The following RBL1 variants were observed in gnomAD, a reference collection of about 807,000 sequenced individuals.
The protein encoded by RBL1 is retinoblastoma-like protein 1.
In RBL1, 82 loss-of-function variants were observed where a neutral mutation model predicts 123.0. The observed-to-expected ratio is 0.67, with a 90% CI of 0.56 to 0.80. The LOEUF (loss-of-function observed/expected upper bound fraction) is 0.80, where lower values mean the gene tolerates loss of function less well. Among genes scored for constraint, RBL1 ranks in the 30% least tolerant of loss-of-function variants. The pLI is 0.00. For missense variants in RBL1, 1,171 were observed against 1,299.6 expected (o/e 0.90, Z 1.52); for synonymous variants, 405 against 441.3 (o/e 0.92, Z 1.03).
chr20:37,011,671 G>A (rs1041629806), intron 19 of RBL1, among the ~76,000 whole-genome samples: 1 of 152,084 alleles, frequency 6.6e-6, no homozygotes, highest in Non-Finnish European at 1.5e-5. Context: ...CTGACCTCAA[G>A]TGATCTGCCC....
At chr20:37,013,827 G>A (rs1314689748) in intron 19 of RBL1, among the ~76,000 whole-genome samples, 3 of 152,096 alleles carry the variant, frequency 2.0e-5, no homozygotes, top group Non-Finnish European at 4.4e-5. Flanking sequence ...TTTTCTATGG[G>A]TGCTGGTCAG....
chr20:37,085,928 C>T (rs1419922788), intron 2 of RBL1, among the ~76,000 whole-genome samples: 2 of 151,716 alleles, frequency 1.3e-5, no homozygotes, highest in Non-Finnish European at 2.9e-5. Flanking sequence ...GGACTACAGG[C>T]GTGAGCCACC....
Position 37,056,075 on chromosome 20 carries a change from AC to A in RBL1, c.1363+70del. The stretch of plus-strand genomic sequence containing the variant: ...AAATAAGAATAACGGGAGAGGAAAA[AC>A]CGTGAATTTCTAATTTTGGGGGGAT... On this transcript the variant is annotated intron_variant, in intron 10 of 21. Transcript: ENST00000373664. 2.6e-6 allele frequency: 4 copies of A among 1,519,404 alleles called. No individual in the cohort carries two copies. In the South Asian group the frequency reaches 5.0e-5, roughly 19 times the overall value. The allele number at this position is 1,519,404 out of a possible 1,614,324, so 94.1% of individuals were successfully genotyped here.
At chr20:37,068,909 G>A (rs531748637) in intron 2 of RBL1, among the ~76,000 whole-genome samples, 2,395 of 152,262 alleles carry the variant, frequency 0.016, 27 homozygotes, top group African/African-American at 0.053. Flanking sequence ...GCCGAAGCTG[G>A]ACTGTACTGC....
chr20:36,999,053 C>T (rs2063921854), intron 21 of RBL1, 124 bp from the exon 22 acceptor site: 1 of 891,904 alleles, frequency 1.1e-6, no homozygotes, highest in Non-Finnish European at 1.7e-6. Context: ...GGGATAAGGA[C>T]TCTTTTTAAA....
chr20:37,035,802 G>A (rs968005456), intron 14 of RBL1, among the ~76,000 whole-genome samples: 6 of 152,182 alleles, frequency 3.9e-5, no homozygotes, highest in East Asian at 3.8e-4. Flanking sequence ...AGAATGAAGT[G>A]AGCACTAAAT....
intron 2 of RBL1, among the ~76,000 whole-genome samples, chr20:37,069,543 G>A (rs1276145786): frequency 1.3e-5 from 2 of 150,526 alleles, no homozygotes; most frequent in African/African-American, 2.4e-5. Flanking sequence ...CCGTCTGGGA[G>A]GTGAGGAGCA....
chr20:37,078,900 A>C (rs1053917168), intron 2 of RBL1, among the ~76,000 whole-genome samples: 1 of 151,650 alleles, frequency 6.6e-6, no homozygotes, highest in Non-Finnish European at 1.5e-5. Context: ...GGCAGGGGGA[A>C]GGTATATTTA....
intron 17 of RBL1, 140 bp downstream of exon 17, chr20:37,022,510 A>C: frequency 2.9e-6 from 2 of 681,840 alleles, no homozygotes; most frequent in Non-Finnish European, 2.3e-6. Context: ...TATTTTTTAT[A>C]GAGATGAGGT....
At chr20:37,000,376 T>G (rs1261878486) in intron 21 of RBL1, among the ~76,000 whole-genome samples, 1 of 133,434 alleles carries the variant, frequency 7.5e-6, no homozygotes, top group Non-Finnish European at 1.6e-5. Flanking sequence ...GTGGGGGGGT[T>G]AGCCCCCCGC....
intron 19 of RBL1, among the ~76,000 whole-genome samples, chr20:37,008,798 CTT>C (rs2064111825): frequency 7.1e-6 from 1 of 140,318 alleles, no homozygotes; most frequent in Admixed American, 7.1e-5. Context: ...ATTTGGATGT[CTT>C]TTTCACTTCT....
At chr20:37,001,144 G>T (rs903153267) in intron 21 of RBL1, among the ~76,000 whole-genome samples, 2 of 148,764 alleles carry the variant, frequency 1.3e-5, no homozygotes, top group Admixed American at 1.3e-4. Context: ...CCCCCCGCCC[G>T]GCCAGCCGCC....
chr20:37,026,408 A>T (rs1279935224), intron 16 of RBL1, among the ~76,000 whole-genome samples: 3 of 152,152 alleles, frequency 2.0e-5, no homozygotes, highest in Admixed American at 2.0e-4. Flanking sequence ...AGAAAAAAGG[A>T]CATATAAAAA....
chr20:37,036,663 T>G (rs1379894229), intron 14 of RBL1, among the ~76,000 whole-genome samples: 1 of 150,518 alleles, frequency 6.6e-6, no homozygotes, highest in Non-Finnish European at 1.5e-5. Flanking sequence ...TCTCGCTCTG[T>G]TGCCCAGGCT....
chr20:37,051,003 TC>T (rs1216869409), intron 11 of RBL1, among the ~76,000 whole-genome samples: 4 of 152,254 alleles, frequency 2.6e-5, no homozygotes, highest in Middle Eastern at 6.8e-3. Context: ...AGAATTCTTT[TC>T]TTTTTTTAAG....
rs2063907085 is a variant in RBL1 at position 36,998,102 on chromosome 20, C to T, written c.*657G>A. ...ATGCTATCAAAAGTAGATTATTTAT[C>T]CTCATATTACAGAACACAGAAGGAG... On this transcript the variant is annotated 3_prime_UTR_variant, in exon 22 of 22. Coordinates refer to ENST00000373664, the MANE Select transcript of RBL1 (RefSeq NM_002895.5). The T allele has an allele frequency of 6.6e-6, 1 of 151,870 alleles. No homozygotes were observed. Among genetic ancestry groups the T allele is most frequent in the African/African-American group, 2.4e-5 (1 of 41,306 alleles). The allele number at this position is 151,870 out of a possible 1,614,324, so 9.4% of individuals were successfully genotyped here. A position where few individuals can be genotyped will look rare whatever the true frequency, so the allele number is the denominator to read the frequency against.
chr20:37,004,714 C>CAAAAA (rs11361452), intron 20 of RBL1, among the ~76,000 whole-genome samples: 1 of 72,518 alleles, frequency 1.4e-5, no homozygotes, highest in Non-Finnish European at 2.5e-5. Flanking sequence ...GACTCTGCCT[C>CAAAAA]AAAAAAAAAA....
At position 37,062,175 on chromosome 20, in the gene RBL1, C is replaced by T. The variant is rs143337008; in HGVS notation, c.992G>A (p.Gly331Glu). Residue 331 changes from glycine (G) to glutamate (E), a missense_variant, in exon 8 of 22, where the codon GGA becomes GAA. Transcript: ENST00000373664. ...GTCACGAGTGAACTTTCGAGGTGTT[C>T]CAATTTCCTCTTCTGCGTCTGCTCC... ...FLGADAEEEI[G>E]TPRKFTRDTP... 6 of 1,614,028 alleles carry T rather than the reference C, an allele frequency of 3.7e-6. No individual in the cohort carries two copies. The African/African-American group carries it at 6.7e-5, about 18-fold the overall frequency.
intron 3 of RBL1, 142 bp downstream of exon 3, chr20:37,067,844 G>C: frequency 1.2e-6 from 1 of 868,052 alleles, no homozygotes; most frequent in Non-Finnish European, 1.7e-6. Context: ...TCCAAATATG[G>C]ATAATTGTAC....
Sources: allele counts gnomAD v4.1 joint callset (sites outside exome capture counted in the v4.1 genomes callset), GRCh38; gene constraint gnomAD v4.1.1; transcripts MANE v1.5; gene names NCBI Gene and HGNC (gene_info 2026-07-23, HGNC 2026-07-21).